SIGLEC1: variants seen among roughly 807,000 people sequenced by gnomAD.
SIGLEC1 encodes sialoadhesin.
In SIGLEC1, 132 loss-of-function variants were observed where a neutral mutation model predicts 148.0. The ratio of observed to expected loss-of-function variants is 0.89; its 90% CI spans 0.77 to 1.03. The LOEUF (loss-of-function observed/expected upper bound fraction) is 1.03, where lower values mean the gene tolerates loss of function less well. Ranked by LOEUF, SIGLEC1 falls within the 50% of genes least tolerant of loss-of-function variation. SIGLEC1 has a pLI of 0.00. For synonymous variants in SIGLEC1, 945 were observed against 969.0 expected (o/e 0.98, Z 0.46); for missense variants, 2,253 against 2,271.4 (o/e 0.99, Z 0.16).
intron 18 of SIGLEC1, 97 bp from the exon 19 acceptor site, chr20:3,690,361 A>G: frequency 1.0e-6 from 1 of 978,130 alleles, no homozygotes; most frequent in Non-Finnish European, 1.5e-6. Context: ...CCTCCCATTA[A>G]GAGGCAGAAC....
rs753404501 is a variant in SIGLEC1 at position 3,698,027 on chromosome 20, G to A, written c.1893C>T (p.Pro631=). ...LLLCRVDSDP[P]ARLQLLHKDR... ...CCTTGTGGAGCAGCTGCAGCCTGGC[G>A]GGGGGGTCGCTGTCCACACGGCACA... The change falls in exon 9 of 22, where the codon CCC becomes CCT. Residue 631 remains proline (P), a synonymous_variant. Coordinates refer to ENST00000344754, the MANE Select transcript of SIGLEC1 (RefSeq NM_023068.4). The A allele has an allele frequency of 3.2e-5, 52 of 1,605,740 alleles. No individual in the cohort carries two copies. The highest frequency in any genetic ancestry group is 1.6e-4 in the East Asian group (7 of 44,468).
chr20:3,706,730 C>G, intron 2 of SIGLEC1, 24 bp from the exon 3 acceptor site: 1 of 1,520,876 alleles, frequency 6.6e-7, no homozygotes, highest in Non-Finnish European at 8.9e-7. Context: ...GGCAGGGGGA[C>G]AGAGGGGAGG....
At chr20:3,692,432 T>G in intron 16 of SIGLEC1, 89 bp downstream of exon 16, 3 of 1,420,102 alleles carry the variant, frequency 2.1e-6, no homozygotes, top group East Asian at 2.5e-5. Flanking sequence ...CTGGGCCCAC[T>G]GCAGTCCTTT....
Position 3,694,907 on chromosome 20 carries a change from C to T in SIGLEC1, c.2700G>A (p.Val900=). 1.2e-6 allele frequency: 2 copies of T among 1,611,470 alleles called. No homozygotes were observed. Among genetic ancestry groups the T allele is most frequent in the Non-Finnish European group, 1.7e-6 (2 of 1,179,170 alleles). ...FFQVRGAWVQ[V]SPSPELQEGQ... ...CCTCTTGGAGCTCAGGTGATGGTGA[C>T]ACCTGGACCCAGGCTCCTGCAGGGG... Residue 900 remains valine, a synonymous_variant, in exon 12 of 22, where the codon GTG becomes GTA. Coordinates refer to ENST00000344754, the MANE Select transcript of SIGLEC1 (RefSeq NM_023068.4).
At chr20:3,693,426 C>T (rs369777187) in intron 14 of SIGLEC1, 21 bp downstream of exon 14, 1 of 1,547,582 alleles carries the variant, frequency 6.5e-7, no homozygotes, top group Middle Eastern at 1.7e-4. Context: ...TGAGTCCCAC[C>T]CTGCATCCAG....
Position 3,710,598 on chromosome 20 carries a change from C to A in SIGLEC1, c.-110+1872G>T, listed in dbSNP as rs1217330693. ...GTGAAGAAAAGCAGCCTGCTGGGCA[C>A]ACTGGGGGTCAGATGTGTCCCTGGC... On this transcript the variant is annotated intron_variant, in intron 1 of 21. Coordinates refer to ENST00000344754, the MANE Select transcript of SIGLEC1 (RefSeq NM_023068.4). The surrounding 1 kb of genome is among the most constrained non-coding windows in gnomAD (Gnocchi z 4.6). 6.6e-6 allele frequency among the ~76,000 whole-genome samples: 1 copy of A among 152,190 alleles called. No homozygotes were observed. Among genetic ancestry groups the A allele is most frequent in the Non-Finnish European group, 1.5e-5 (1 of 68,042 alleles).
At position 3,693,625 on chromosome 20, in the gene SIGLEC1, C is replaced by T. The variant is rs769456977; in HGVS notation, c.3330G>A (p.Trp1110Ter). ...AGGTGAGCTGGGCCGGGTGAGTGGT[C>T]CACACAAGGCAGGTCAGGTTCACCA... ...GQLVNLTCLVWTTHPAQLTYT... is the reference protein window; with the variant it reads ...GQLVNLTCLV Residue 1110 changes from tryptophan (W) to a stop codon, truncating the protein, a stop_gained, in exon 14 of 22, where the codon TGG (tryptophan) becomes TGA (stop). Transcript: ENST00000344754. LOFTEE classifies it high-confidence loss of function. The T allele has an allele frequency of 1.9e-6, 3 of 1,611,614 alleles. No individual in the cohort carries two copies. In the Admixed American group the frequency reaches 5.0e-5, roughly 27 times the overall value.
rs2087934476 is a variant in SIGLEC1, at chr20:3,712,452, G to C, written c.-110+18C>G. Among the ~76,000 whole-genome samples the C allele has an allele frequency of 6.6e-6, 1 of 151,844 alleles. No individual in the cohort carries two copies. The highest frequency in any genetic ancestry group is 1.5e-5 in the Non-Finnish European group (1 of 67,966). On this transcript the variant is annotated intron_variant, in intron 1 of 21. Transcript: ENST00000344754. Reference sequence around the variant, plus strand: ...GCTCCACTCACCCTCTGGGCCCAGGGACCAGGGACAGGGGTACCTGCTCCA... The same window carrying C: ...GCTCCACTCACCCTCTGGGCCCAGGCACCAGGGACAGGGGTACCTGCTCCA...
At position 3,688,220 on chromosome 20, in the gene SIGLEC1, C is replaced by T. The variant is rs111403894; in HGVS notation, c.*340G>A. The T allele has an allele frequency of 2.5e-3, 889 of 361,580 alleles. 11 individuals carry two copies. The highest frequency in any genetic ancestry group is 0.017 in the African/African-American group (796 of 47,022). 22.4% of individuals were successfully genotyped at this position (361,580 alleles called of 1,614,324 possible). On this transcript the variant is annotated 3_prime_UTR_variant, in exon 22 of 22. Coordinates refer to ENST00000344754, the MANE Select transcript of SIGLEC1 (RefSeq NM_023068.4). ...CTCTGAGGATGCAGGATGCTGCAATCCAACCAAAGTCCAGGGTGACTTTCG... is the reference window on the plus strand; with the variant it reads ...CTCTGAGGATGCAGGATGCTGCAATTCAACCAAAGTCCAGGGTGACTTTCG...
rs1568464576 is a variant in SIGLEC1 at position 3,710,455 on chromosome 20, T to C, written c.-110+2015A>G. ...GGAGGCCCAAGGGCTCATCTCCAGT[T>C]CTCTAGGAAGCCCTAGGCCTCCTCC... On this transcript the variant is annotated intron_variant, in intron 1 of 21. Coordinates refer to ENST00000344754, the MANE Select transcript of SIGLEC1 (RefSeq NM_023068.4). The surrounding 1 kb of genome is among the most constrained non-coding windows in gnomAD (Gnocchi z 4.6). 6.6e-6 allele frequency among the ~76,000 whole-genome samples: 1 copy of C among 152,156 alleles called. No homozygotes were observed. The highest frequency in any genetic ancestry group is 1.5e-5 in the Non-Finnish European group (1 of 67,998).
intron 7 of SIGLEC1, among the ~76,000 whole-genome samples, chr20:3,700,279 G>T (rs931942290): frequency 4.0e-5 from 6 of 151,400 alleles, no homozygotes; most frequent in African/African-American, 1.5e-4. Context: ...CACCACACCC[G>T]GCTAATTTTT....
intron 20 of SIGLEC1, 48 bp from the exon 21 acceptor site, chr20:3,689,275 C>T (rs779218305): frequency 8.1e-5 from 123 of 1,512,916 alleles, no homozygotes; most frequent in Non-Finnish European, 1.1e-4. Context: ...TCCCCACCTC[C>T]TGCCCCCATT....
chr20:3,691,528 A>C lies in SIGLEC1; in HGVS notation c.4403T>G (p.Leu1468Arg). The C allele has an allele frequency of 1.1e-5, 18 of 1,613,238 alleles. No individual in the cohort carries two copies. The highest frequency in any genetic ancestry group is 1.4e-5 in the Non-Finnish European group (17 of 1,180,000). Reference sequence around the variant, plus strand: ...GTTGCCCACAGGCCCAGGGCCACCCAGGAGGCGGCAGCTGAGGTTCAGGGC... The same window carrying C: ...GTTGCCCACAGGCCCAGGGCCACCCCGGAGGCGGCAGCTGAGGTTCAGGGC... ...GAALNLSCRL[L>R]GGPGPVGNST... The change falls in exon 18 of 22, where the codon CTG becomes CGG. Residue 1468 changes from leucine (L) to arginine (R), a missense_variant. By Grantham distance (102) the Leu-to-Arg change is moderately radical. Coordinates refer to ENST00000344754, the MANE Select transcript of SIGLEC1 (RefSeq NM_023068.4).
Position 3,691,939 on chromosome 20 carries a change from C to T in SIGLEC1, c.4294G>A (p.Gly1432Ser). Reference sequence around the variant, plus strand: ...AACCGCCCGATGGTGCTGATTGAGCCCAGCAAGTTTTGGGCTGTGCAAACA... The same window carrying T: ...AACCGCCCGATGGTGCTGATTGAGCTCAGCAAGTTTTGGGCTGTGCAAACA... Reference protein sequence around the residue: ...TYVCTAQNLLGSISTIGRLQV... With the variant: ...TYVCTAQNLLSSISTIGRLQV... Residue 1432 changes from glycine to serine, a missense_variant, in exon 17 of 22, where the codon GGC (glycine) becomes AGC (serine). Physicochemically the swap from Gly to Ser is moderately conservative, Grantham distance 56. Transcript: ENST00000344754. 6.3e-7 allele frequency: 1 copy of T among 1,595,228 alleles called. No individual in the cohort carries two copies. The highest frequency in any genetic ancestry group is 8.6e-7 in the Non-Finnish European group (1 of 1,165,870).
At position 3,704,492 on chromosome 20, in the gene SIGLEC1, G is replaced by T. The variant is rs562018645; in HGVS notation, c.707-401C>A. ...AGGGACCAACTACCTAGTGGGAGGG[G>T]GCCAAAGGCAGCATCAAACTAGCTC... On this transcript the variant is annotated intron_variant, in intron 4 of 21. Transcript: ENST00000344754. 2.0e-5 allele frequency among the ~76,000 whole-genome samples: 3 copies of T among 152,332 alleles called. 1 individual carries two copies. The highest frequency in any genetic ancestry group is 7.2e-5 in the African/African-American group (3 of 41,566).
chr20:3,699,163 G>A (rs1429671997), intron 8 of SIGLEC1, 39 bp downstream of exon 8: 1 of 1,596,412 alleles, frequency 6.3e-7, no homozygotes, highest in Non-Finnish European at 8.5e-7. Flanking sequence ...GTGGCTGGTG[G>A]GTCCCGGCAG....
Position 3,692,642 on chromosome 20 carries a change from C to G in SIGLEC1, c.3909G>C (p.Glu1303Asp). 1 of 1,613,110 alleles carries G rather than the reference C, an allele frequency of 6.2e-7. No individual in the cohort carries two copies. Among genetic ancestry groups the G allele is most frequent in the Non-Finnish European group, 8.5e-7 (1 of 1,180,038 alleles). ...GGAATGAGAGTGAGGCAGCTGGACC[C>G]TCCTGCAGCCAACGACCGTTGTGGT... ...TWYHNGRWLQ[E>D]GPAASLSFLV... The change falls in exon 16 of 22, where the codon GAG becomes GAC. Residue 1303 changes from glutamate to aspartate, a missense_variant. By Grantham distance (45) the Glu-to-Asp change is conservative (BLOSUM62 2). Transcript: ENST00000344754.
At position 3,689,121 on chromosome 20, in the gene SIGLEC1, GTAT is replaced by G. The variant is rs201231523; in HGVS notation, c.5070+31_5070+33del. 3,971 of 1,570,816 alleles carry G rather than the reference GTAT, an allele frequency of 2.5e-3. 83 individuals carry two copies. In the African/African-American group the frequency reaches 0.048, roughly 19 times the overall value. Reference sequence around the variant, plus strand: ...CCAGTTGGCACTGTGGGTTAGCTGGGTATTATATCTGCCCGTGTGTGTTGAATG... The same window carrying G: ...CCAGTTGGCACTGTGGGTTAGCTGGGTATATCTGCCCGTGTGTGTTGAATG... On this transcript the variant is annotated intron_variant, in intron 21 of 21. Coordinates refer to ENST00000344754, the MANE Select transcript of SIGLEC1 (RefSeq NM_023068.4).
rs749764583 is a variant in SIGLEC1, at chr20:3,699,302, G to A, written c.1686C>T (p.Leu562=). Residue 562 remains leucine, a synonymous_variant, in exon 8 of 22, where the codon CTC becomes CTT. Coordinates refer to ENST00000344754, the MANE Select transcript of SIGLEC1 (RefSeq NM_023068.4). ...CGGCGTCAGTGCTGGAGGCCGCGGG[G>A]AGCAGGAGGCTGCTGCCGGGACCCT... ...LHEGPGSSLL[L]PAASSTDAGS... 6.2e-7 allele frequency: 1 copy of A among 1,608,698 alleles called. No individual in the cohort carries two copies. Among genetic ancestry groups the A allele is most frequent in the African/African-American group, 1.3e-5 (1 of 74,906 alleles).
Sources: gnomAD v4.1 joint callset for allele counts (sites outside exome capture counted in the v4.1 genomes callset) on GRCh38, gnomAD v4.1.1 for gene constraint, Gnocchi (gnomAD v3.1) non-coding constraint, MANE v1.5 for transcripts, NCBI Gene and HGNC (gene_info 2026-07-23, HGNC 2026-07-21) for gene names.